COL14A1: variants seen among roughly 807,000 people sequenced by gnomAD.
COL14A1 encodes the protein collagen type XIV alpha 1 chain.
A neutral mutation model predicts 230.3 loss-of-function variants in COL14A1; 136 were observed. The observed-to-expected ratio is 0.59, with a 90% CI of 0.51 to 0.68. The LOEUF (loss-of-function observed/expected upper bound fraction) is 0.68, where lower values mean the gene tolerates loss of function less well. COL14A1 is among the 30% of genes least tolerant of loss of function. The pLI is 0.00. For synonymous variants in COL14A1, 792 were observed against 784.1 expected, an observed-to-expected ratio of 1.01 and a Z score of -0.17; for missense variants, 1,976 against 2,215.8, an observed-to-expected ratio of 0.89 and a Z score of 2.17.
chr8:120,342,328 A>G, intron 43 of COL14A1, 52 bp from the exon 44 acceptor site: 7 of 1,544,014 alleles, frequency 4.5e-6, no homozygotes, highest in Non-Finnish European at 6.3e-6. Context: ...AAGTCCTGGT[A>G]GTGTGGCTGG....
chr8:120,158,423 G>T (rs1392837520), intron 3 of COL14A1, among the ~76,000 whole-genome samples, 177 bp downstream of exon 3: 1 of 152,148 alleles, frequency 6.6e-6, no homozygotes, highest in Admixed American at 6.5e-5. Flanking sequence ...AAAGAGTAAA[G>T]AATGACTCTT....
intron 23 of COL14A1, among the ~76,000 whole-genome samples, chr8:120,258,320 A>G (rs1000456496): frequency 1.1e-4 from 16 of 152,186 alleles, no homozygotes; most frequent in Non-Finnish European, 2.1e-4. Flanking sequence ...AGTCTTGGTG[A>G]AAAGAGAGCT....
At chr8:120,285,212 G>C (rs1422879757) in intron 32 of COL14A1, among the ~76,000 whole-genome samples, 2 of 152,004 alleles carry the variant, frequency 1.3e-5, no homozygotes, top group East Asian at 3.9e-4. Context: ...CCAGCACTTT[G>C]GGATGCTGAG....
chr8:120,193,457 C>G (rs1426716172), intron 5 of COL14A1, among the ~76,000 whole-genome samples: 1 of 152,192 alleles, frequency 6.6e-6, no homozygotes, highest in Non-Finnish European at 1.5e-5. Context: ...TCTGCCCCTA[C>G]TGGGCGGTGC....
intron 1 of COL14A1, among the ~76,000 whole-genome samples, chr8:120,143,867 A>G (rs1453019936): frequency 6.6e-6 from 1 of 151,950 alleles, no homozygotes; most frequent in Non-Finnish European, 1.5e-5. Context: ...TTAAAATATC[A>G]TTGTAATAAT....
chr8:120,278,295 T>C, intron 27 of COL14A1, 61 bp downstream of exon 27: 1 of 1,532,198 alleles, frequency 6.5e-7, no homozygotes, highest in South Asian at 1.3e-5. Context: ...ACTACTGAAA[T>C]GACCTTTTAT....
At chr8:120,227,166 T>C (rs1410967851) in intron 16 of COL14A1, 54 bp from the exon 17 acceptor site, 14 of 1,593,378 alleles carry the variant, frequency 8.8e-6, no homozygotes, top group Non-Finnish European at 1.2e-5. Flanking sequence ...TAACACTTTT[T>C]CTTTACTTTT....
intron 9 of COL14A1, among the ~76,000 whole-genome samples, chr8:120,205,267 T>C (rs982205358): frequency 6.6e-6 from 1 of 152,142 alleles, no homozygotes; most frequent in Non-Finnish European, 1.5e-5. Flanking sequence ...TGCCAGATAC[T>C]TTAGCTCCAT....
chr8:120,200,711 CTATTTATATATA>C (rs1817208897), intron 8 of COL14A1, among the ~76,000 whole-genome samples: 2 of 76,814 alleles, frequency 2.6e-5, no homozygotes, highest in African/African-American at 9.2e-5. Flanking sequence ...AAAAGTTTTC[CTATTTATATATA>C]TATATATATA....
chr8:120,326,631 A>G lies in COL14A1; in HGVS notation c.4660-5510A>G, dbSNP rs536655656. Among the ~76,000 whole-genome samples the G allele has an allele frequency of 3.3e-5, 5 of 152,304 alleles. No homozygotes were observed. The South Asian group carries it at 8.3e-4, about 25-fold the overall frequency. Reference sequence around the variant, plus strand: ...AGAAAAAATGGCTTTGTGTTTTTGAAATGGTGTTAAGGCTAATATCCTTTT... The same window carrying G: ...AGAAAAAATGGCTTTGTGTTTTTGAGATGGTGTTAAGGCTAATATCCTTTT... On this transcript the variant is annotated intron_variant, in intron 40 of 47. Coordinates refer to ENST00000297848, the MANE Select transcript of COL14A1 (RefSeq NM_021110.4).
chr8:120,205,348 T>G (rs1817393670), intron 9 of COL14A1, among the ~76,000 whole-genome samples: 1 of 152,194 alleles, frequency 6.6e-6, no homozygotes, highest in African/African-American at 2.4e-5. Context: ...AGTTCTGCAC[T>G]CATTGACCTT....
chr8:120,186,468 C>T (rs910120945), intron 5 of COL14A1, among the ~76,000 whole-genome samples: 1 of 152,136 alleles, frequency 6.6e-6, no homozygotes, highest in African/African-American at 2.4e-5. Flanking sequence ...AATTCAAAGC[C>T]CCTAAATGAA....
At chr8:120,130,683 C>T (rs958122608) in intron 1 of COL14A1, among the ~76,000 whole-genome samples, 5 of 152,108 alleles carry the variant, frequency 3.3e-5, no homozygotes, top group African/African-American at 1.2e-4. Context: ...TAAAAATATG[C>T]CAATAAATTA....
rs1815141159 is a variant in COL14A1, at chr8:120,147,676, C to T, written c.-37-130C>T. 1.9e-5 allele frequency: 10 copies of T among 523,286 alleles called. No homozygotes were observed. The South Asian group carries it at 2.5e-4, about 13-fold the overall frequency. 32.4% of individuals were successfully genotyped at this position (523,286 alleles called of 1,614,324 possible). A position where few individuals can be genotyped will look rare whatever the true frequency, so the allele number is the denominator to read the frequency against. On this transcript the variant is annotated intron_variant, in intron 1 of 47. Transcript: ENST00000297848. The stretch of plus-strand genomic sequence containing the variant: ...TCAGTTTGTATTTTAGAGTGAAATG[C>T]ACGATGCTCTAGGGAATTAATTACT...
chr8:120,194,267 A>T (rs899692582), intron 5 of COL14A1, among the ~76,000 whole-genome samples: 2 of 152,196 alleles, frequency 1.3e-5, no homozygotes, highest in African/African-American at 4.8e-5. Context: ...TTTGGTGCTT[A>T]AATTATGTGA....
intron 45 of COL14A1, among the ~76,000 whole-genome samples, chr8:120,353,793 G>A (rs1286318277): frequency 7.2e-5 from 11 of 151,952 alleles, no homozygotes; most frequent in Admixed American, 5.2e-4. Context: ...ACTGTTGGTG[G>A]AACTGTAAAC....
At chr8:120,365,839 T>C (rs1438787707) in intron 45 of COL14A1, among the ~76,000 whole-genome samples, 1 of 152,068 alleles carries the variant, frequency 6.6e-6, no homozygotes, top group African/African-American at 2.4e-5. Flanking sequence ...TGCAATAGGA[T>C]TGGGTGTTTG....
intron 19 of COL14A1, among the ~76,000 whole-genome samples, chr8:120,237,198 G>A (rs938927042): frequency 1.9e-4 from 29 of 152,318 alleles, no homozygotes; most frequent in African/African-American, 6.5e-4. Context: ...ATATCCTGAA[G>A]TGTGTTTTCC....
At chr8:120,325,448 T>C (rs558967270) in intron 40 of COL14A1, among the ~76,000 whole-genome samples, 8 of 151,514 alleles carry the variant, frequency 5.3e-5, no homozygotes, top group Admixed American at 4.6e-4. Context: ...CTAATATTCA[T>C]TGTACATTGC....
Sources: gnomAD v4.1 joint callset for allele counts (sites outside exome capture counted in the v4.1 genomes callset) on GRCh38, gnomAD v4.1.1 for gene constraint, MANE v1.5 for transcripts, NCBI Gene and HGNC (gene_info 2026-07-23, HGNC 2026-07-21) for gene names.